The following KIF7 variants were observed in gnomAD, a reference collection of about 807,000 sequenced individuals.
KIF7 encodes kinesin-like protein KIF7.
Under a neutral mutation model 135.7 loss-of-function variants are expected in KIF7, and 104 were observed. The observed-to-expected ratio is 0.77, with a 90% confidence interval of 0.65 to 0.90. The LOEUF (loss-of-function observed/expected upper bound fraction) is 0.90. Among genes scored for constraint, KIF7 ranks in the 40% least tolerant of loss-of-function variants. The pLI, the probability that KIF7 is intolerant of heterozygous loss-of-function variation, is 0.00. For missense variants in KIF7, 2,005 were observed against 1,839.1 expected (o/e 1.09, Z -1.65); for synonymous variants, 883 against 809.4 (o/e 1.09, Z -1.54).
chr15:89,650,045 C>T (rs1431592707), intron 2 of KIF7, 104 bp from the exon 3 acceptor site: 16 of 1,220,090 alleles, frequency 1.3e-5, no homozygotes, highest in South Asian at 1.3e-4. Context: ...GGATGGTGCT[C>T]TAGGATGGAG....
downstream of KIF7, chr15:89,626,821 G>A (rs1218455830): frequency 2.1e-6 from 2 of 947,826 alleles, no homozygotes; most frequent in Admixed American, 2.2e-5. Context: ...CATTTCTGTA[G>A]GATAAGCGAA....
downstream of KIF7, chr15:89,623,988 A>G (rs1212653730): frequency 6.2e-7 from 1 of 1,613,994 alleles, no homozygotes; most frequent in Non-Finnish European, 8.5e-7. Flanking sequence ...CCTCCTGTCC[A>G]GCCCCTCCAA....
At chr15:89,635,066 G>C (rs55954988) in intron 11 of KIF7, among the ~76,000 whole-genome samples, 40,288 of 151,200 alleles carry the variant, frequency 0.27, 6,096 homozygotes, top group South Asian at 0.37. Flanking sequence ...AGCAGGGGCA[G>C]ACTGACACCT....
rs572467298 is a variant in KIF7, at chr15:89,655,137, G to A, written c.-25+262C>T. ...GATTACAAATCGGGACCCGACTCTC[G>A]CAGCCTTGGCGCTCGCCCCTCCACG... On this transcript the variant is annotated intron_variant, in intron 1 of 18. Coordinates refer to ENST00000394412, the MANE Select transcript of KIF7 (RefSeq NM_198525.3). Among the ~76,000 whole-genome samples the A allele has an allele frequency of 2.6e-5, 4 of 152,322 alleles. No homozygotes were observed. The South Asian group carries it at 8.3e-4, about 32-fold the overall frequency.
At chr15:89,621,534 T>C (rs201951041) in intron 1 of KIF7, 8 of 1,611,928 alleles carry the variant, frequency 5.0e-6, no homozygotes, top group Non-Finnish European at 5.1e-6. Flanking sequence ...GATTCGGAGG[T>C]ACCTGCAGCT....
At chr15:89,630,613 G>A (rs763334843) in intron 15 of KIF7, 120 bp from the exon 16 acceptor site, 2 of 848,922 alleles carry the variant, frequency 2.4e-6, no homozygotes, top group Non-Finnish European at 3.8e-6. Context: ...CTCGTCCCAA[G>A]GGCCAAGTCA....
downstream of KIF7, chr15:89,627,420 G>A: frequency 7.0e-6 from 2 of 287,272 alleles, no homozygotes; most frequent in Non-Finnish European, 1.3e-5. Flanking sequence ...CCTCATTTAT[G>A]CAAATGGAGA....
chr15:89,625,844 C>A, downstream of KIF7: 1 of 1,552,132 alleles, frequency 6.4e-7, no homozygotes, highest in Non-Finnish European at 8.7e-7. Flanking sequence ...GAGTGCTTGA[C>A]AAGGAGGCAC....
intron 1 of KIF7, among the ~76,000 whole-genome samples, chr15:89,622,013 G>C (rs1216286686): frequency 9.0e-6 from 1 of 111,232 alleles, no homozygotes; most frequent in African/African-American, 3.5e-5. Flanking sequence ...TGGAGACAGA[G>C]TCTTACTATT....
intron 1 of KIF7, among the ~76,000 whole-genome samples, chr15:89,619,451 T>C (rs16943389): frequency 0.13 from 20,045 of 152,058 alleles, 1,723 homozygotes; most frequent in East Asian, 0.35. Context: ...GCTACACCAT[T>C]CTTAAGGTGG....
In KIF7 at chr15:89,647,588, C is replaced by T. The variant is rs373449762; in HGVS notation, c.1560+8G>A. On this transcript the variant is annotated splice_region_variant and intron_variant, in intron 6 of 18. Coordinates refer to ENST00000394412, the MANE Select transcript of KIF7 (RefSeq NM_198525.3). The stretch of plus-strand genomic sequence containing the variant: ...AGCCTTCCCCGCACTGTGAAGCGGG[C>T]GCCGCACCTGCAGTTTGTACTGCTC... 10 of 1,608,654 alleles carry T rather than the reference C, an allele frequency of 6.2e-6. No homozygotes were observed. The Admixed American group carries it at 1.2e-4, about 19-fold the overall frequency.
Position 89,628,585 on chromosome 15 carries a change from G to GA in KIF7, c.3865dup (p.Ser1289PhefsTer12). 6.2e-7 allele frequency: 1 copy of GA among 1,613,510 alleles called. No homozygotes were observed. The highest frequency in any genetic ancestry group is 1.7e-5 in the Admixed American group (1 of 60,026). On this transcript the variant is annotated frameshift_variant, in exon 19 of 19. Transcript: ENST00000394412. LOFTEE classifies it low-confidence loss of function (END_TRUNC). ...CTCCCGCTGCCTCAGTTCCTCGGGG[G>GA]ACCCCTGCTCCTCACCACACAGGCT... is the stretch of plus-strand genomic sequence containing the variant.
In KIF7 at chr15:89,628,538, G is replaced by A. The variant is rs756750505; in HGVS notation, c.3913C>T (p.Arg1305Trp). The change falls in exon 19 of 19, where the codon CGG becomes TGG. Residue 1305 changes from arginine to tryptophan, a missense_variant. Transcript: ENST00000394412. ...CCTGCCTCACCCACAGGAAGCACCC[G>A]CCCCACCAGGGGCTCAGCCGCCTCC... is the stretch of plus-strand genomic sequence containing the variant. ...QREAAEPLVGRVLPVGEAGLP... is the reference protein window; with the variant it reads ...QREAAEPLVGWVLPVGEAGLP... 6.8e-6 allele frequency: 11 copies of A among 1,613,114 alleles called. No homozygotes were observed. Among genetic ancestry groups the A allele is most frequent in the African/African-American group, 5.3e-5 (4 of 74,936 alleles).
At chr15:89,645,473 C>G in intron 8 of KIF7, 22 bp from the exon 9 acceptor site, 1 of 1,569,094 alleles carries the variant, frequency 6.4e-7, no homozygotes, top group Non-Finnish European at 8.7e-7. Context: ...AAGCAGGAGG[C>G]CATGCTCCTC....
chr15:89,619,266 C>T (rs1426256558), intron 1 of KIF7, among the ~76,000 whole-genome samples: 1 of 121,834 alleles, frequency 8.2e-6, no homozygotes, highest in African/African-American at 3.2e-5. Flanking sequence ...TGCTCTGTCG[C>T]CCAGGCTGGA....
intron 11 of KIF7, among the ~76,000 whole-genome samples, chr15:89,640,916 T>A (rs1433550619): frequency 6.6e-6 from 1 of 151,296 alleles, no homozygotes; most frequent in East Asian, 1.9e-4. Flanking sequence ...GGCATAAGGA[T>A]CACTTGAACC....
chr15:89,629,226 G>A (rs1175418106), intron 17 of KIF7, 104 bp from the exon 18 acceptor site: 3 of 1,127,320 alleles, frequency 2.7e-6, no homozygotes, highest in Non-Finnish European at 3.8e-6. Flanking sequence ...CCGGGGTTGT[G>A]AGCGGTGGGC....
At chr15:89,642,026 G>A (rs766214381) in intron 11 of KIF7, among the ~76,000 whole-genome samples, 177 bp downstream of exon 11, 3 of 152,116 alleles carry the variant, frequency 2.0e-5, no homozygotes, top group Non-Finnish European at 2.9e-5. Context: ...CCTCTACTGT[G>A]TGTAAAGCTG....
At chr15:89,645,245 G>T (rs752192228) in intron 9 of KIF7, 80 bp from the exon 10 acceptor site, 7 of 1,601,266 alleles carry the variant, frequency 4.4e-6, no homozygotes, top group Non-Finnish European at 6.0e-6. Context: ...GGGCTGCCAG[G>T]GATGGTGGGT....
Sources: allele counts gnomAD v4.1 joint callset (sites outside exome capture counted in the v4.1 genomes callset), GRCh38; gene constraint gnomAD v4.1.1; transcripts MANE v1.5; gene names NCBI Gene and HGNC (gene_info 2026-07-23, HGNC 2026-07-21).